Variants in MARCHF1 observed in about 807,000 individuals in gnomAD.
MARCHF1 encodes E3 ubiquitin-protein ligase MARCHF1.
A neutral mutation model predicts 54.2 loss-of-function variants in MARCHF1; 40 were observed. That is an observed-to-expected ratio of 0.74 (90% CI 0.57 to 0.96). The LOEUF (loss-of-function observed/expected upper bound fraction) is 0.96. Ranked by LOEUF, MARCHF1 falls within the 40% of genes least tolerant of loss-of-function variation. MARCHF1 has a pLI of 0.00. For missense variants in MARCHF1, 586 were observed against 656.5 expected (o/e 0.89, Z 1.17); for synonymous variants, 236 against 236.3 (o/e 1.00, Z 0.01).
chr4:163,855,289 T>C (rs1005246742), intron 3 of MARCHF1, among the ~76,000 whole-genome samples: 8 of 152,170 alleles, frequency 5.3e-5, no homozygotes, highest in South Asian at 2.1e-4. Flanking sequence ...CAATCTAATA[T>C]GAGTGACTCA....
At chr4:164,376,761 A>C (rs1255848343) in intron 1 of MARCHF1, among the ~76,000 whole-genome samples, 1 of 152,206 alleles carries the variant, frequency 6.6e-6, no homozygotes, top group Non-Finnish European at 1.5e-5. Context: ...GTAAAGTCAC[A>C]GAAAAGAAAG....
intron 1 of MARCHF1, chr4:164,197,111 C>T (rs746100997): frequency 1.2e-6 from 2 of 1,606,532 alleles, no homozygotes; most frequent in Non-Finnish European, 1.7e-6. Flanking sequence ...TCGTCCCCTC[C>T]ACTCACGTCC....
chr4:164,043,238 A>T (rs990004271), intron 2 of MARCHF1, among the ~76,000 whole-genome samples: 3 of 152,186 alleles, frequency 2.0e-5, no homozygotes, highest in Non-Finnish European at 4.4e-5. Context: ...GTTCTCCATG[A>T]GGGCTCCATC....
intron 2 of MARCHF1, among the ~76,000 whole-genome samples, chr4:164,026,840 C>T (rs542333906): frequency 6.6e-6 from 1 of 152,188 alleles, no homozygotes; most frequent in Non-Finnish European, 1.5e-5. Context: ...AGAATACCCC[C>T]ACAGTCTCTG....
intron 2 of MARCHF1, among the ~76,000 whole-genome samples, chr4:164,018,984 GT>G (rs1753604966): frequency 6.6e-6 from 1 of 152,174 alleles, no homozygotes; most frequent in African/African-American, 2.4e-5. Context: ...TTTTGTGAAA[GT>G]GTTTGTCTCT....
chr4:164,006,815 C>A (rs771827460), intron 2 of MARCHF1, among the ~76,000 whole-genome samples: 7 of 151,628 alleles, frequency 4.6e-5, no homozygotes, highest in Non-Finnish European at 1.0e-4. Flanking sequence ...AGGAGTGGAA[C>A]ATTTACGTAG....
chr4:164,116,408 G>A (rs778756092), intron 1 of MARCHF1, among the ~76,000 whole-genome samples: 12 of 152,112 alleles, frequency 7.9e-5, no homozygotes, highest in Non-Finnish European at 1.6e-4. Flanking sequence ...CCATTGCACT[G>A]AATATTCTTC....
intron 8 of MARCHF1, among the ~76,000 whole-genome samples, chr4:163,582,768 C>CAAAA (rs57140017): frequency 2.1e-3 from 317 of 150,120 alleles, no homozygotes; most frequent in African/African-American, 6.8e-3. Flanking sequence ...TTAAAAACTA[C>CAAAA]AAAAAAAAAA....
At chr4:163,547,205 G>A (rs958703550) in intron 8 of MARCHF1, among the ~76,000 whole-genome samples, 3 of 152,134 alleles carry the variant, frequency 2.0e-5, no homozygotes, top group African/African-American at 7.2e-5. Context: ...TACTCTCTCT[G>A]GGCCTCACTG....
chr4:164,031,144 G>T (rs767780633), intron 2 of MARCHF1, among the ~76,000 whole-genome samples: 18 of 152,148 alleles, frequency 1.2e-4, no homozygotes, highest in Non-Finnish European at 2.2e-4. Context: ...TCCTTATCGT[G>T]TGCCAGTTTT....
intron 2 of MARCHF1, among the ~76,000 whole-genome samples, chr4:164,038,147 C>T (rs898268224): frequency 2.0e-5 from 3 of 152,046 alleles, no homozygotes; most frequent in Non-Finnish European, 4.4e-5. Context: ...TCACTCTGTA[C>T]GTTTTCTTAC....
chr4:163,948,215 T>C (rs1038852120), intron 3 of MARCHF1, among the ~76,000 whole-genome samples: 29 of 152,242 alleles, frequency 1.9e-4, no homozygotes, highest in African/African-American at 6.8e-4. Context: ...TGGTATACTT[T>C]ACGTTTCAAT....
chr4:163,830,884 C>T (rs1264617155), intron 4 of MARCHF1, among the ~76,000 whole-genome samples: 1 of 152,170 alleles, frequency 6.6e-6, no homozygotes, highest in African/African-American at 2.4e-5. Flanking sequence ...GTGGCAGCTG[C>T]TGCTGGAAAC....
intron 1 of MARCHF1, among the ~76,000 whole-genome samples, chr4:164,214,054 T>G (rs1731858996): frequency 6.6e-6 from 1 of 152,056 alleles, no homozygotes; most frequent in Admixed American, 6.5e-5. Context: ...TATGGGTAAA[T>G]ATATACACCT....
intron 4 of MARCHF1, among the ~76,000 whole-genome samples, chr4:163,786,393 TAAGAG>T (rs1302918645): frequency 1.3e-5 from 2 of 152,010 alleles, no homozygotes; most frequent in African/African-American, 4.8e-5. Flanking sequence ...CTCAAACTGG[TAAGAG>T]AAAACAAATA....
chr4:163,992,061 C>CAAA (rs544389591), intron 2 of MARCHF1, among the ~76,000 whole-genome samples: 9 of 52,858 alleles, frequency 1.7e-4, no homozygotes, highest in African/African-American at 5.9e-4. Context: ...TTGTCAGCTG[C>CAAA]AAAAAAAAAA....
intron 1 of MARCHF1, among the ~76,000 whole-genome samples, chr4:164,375,257 T>C (rs533995595): frequency 7.9e-5 from 12 of 152,308 alleles, no homozygotes; most frequent in South Asian, 2.1e-4. Flanking sequence ...AAAATTTTAA[T>C]TGAAATGTTG....
chr4:164,160,170 T>A (rs1730193211), intron 1 of MARCHF1, among the ~76,000 whole-genome samples: 2 of 152,196 alleles, frequency 1.3e-5, no homozygotes. Flanking sequence ...TACAGTCATG[T>A]GTCACTTAAC....
chr4:163,918,578 G>C (rs1160953451), intron 3 of MARCHF1, among the ~76,000 whole-genome samples: 1 of 152,118 alleles, frequency 6.6e-6, no homozygotes, highest in Non-Finnish European at 1.5e-5. Context: ...AAAAAAGTGT[G>C]TATCTTCAGC....
Sources: gnomAD v4.1 joint callset for allele counts (sites outside exome capture counted in the v4.1 genomes callset) on GRCh38, gnomAD v4.1.1 for gene constraint, MANE v1.5 for transcripts, NCBI Gene and HGNC (gene_info 2026-07-23, HGNC 2026-07-21) for gene names.